BTNL3: variants seen among roughly 807,000 people sequenced by gnomAD.
BTNL3 encodes the protein butyrophilin like 3.
In BTNL3, 20 loss-of-function variants were observed where a neutral mutation model predicts 40.1. The ratio of observed to expected loss-of-function variants is 0.50; its 90% CI spans 0.35 to 0.72. The LOEUF (loss-of-function observed/expected upper bound fraction) is 0.72. BTNL3 is among the 30% of genes least tolerant of loss of function. The probability of loss-of-function intolerance (pLI) is 0.01; values close to 1 mark genes in which losing one functional copy is unlikely to be tolerated. For synonymous variants in BTNL3, 179 were observed against 222.1 expected, an observed-to-expected ratio of 0.81 and a Z score of 1.73; for missense variants, 449 against 582.2, an observed-to-expected ratio of 0.77 and a Z score of 2.35.
Position 181,006,332 on chromosome 5 carries a change from T to C in BTNL3, c.*460T>C, listed in dbSNP as rs1760231195. ...TAATGATGTGTTTTTATATTATACA[T>C]TTTCCCACCATAAACTCTGTTTGCT... On this transcript the variant is annotated 3_prime_UTR_variant, in exon 8 of 8. Transcript: ENST00000342868. 2 of 255,472 alleles carry C rather than the reference T, an allele frequency of 7.8e-6. No individual in the cohort carries two copies. The highest frequency in any genetic ancestry group is 3.4e-4 in the South Asian group (2 of 5,806). The allele number at this position is 255,472 out of a possible 1,614,324, so 15.8% of individuals were successfully genotyped here.
In BTNL3 at chr5:180,997,185, C is replaced by T. The variant is rs761545927; in HGVS notation, c.398-28C>T. 1.1e-5 allele frequency: 16 copies of T among 1,462,868 alleles called. 1 individual carries two copies. In the African/African-American group the frequency reaches 2.2e-4, roughly 20 times the overall value. 90.6% of individuals were successfully genotyped at this position (1,462,868 alleles called of 1,614,324 possible). A position where few individuals can be genotyped will look rare whatever the true frequency, so the allele number is the denominator to read the frequency against. Reference sequence around the variant, plus strand: ...CTGTAAGCTTGAAATTTGGTCTTTGCTTTCATCTTTCCCTGTTTTCTTCCC... The same window carrying T: ...CTGTAAGCTTGAAATTTGGTCTTTGTTTTCATCTTTCCCTGTTTTCTTCCC... On this transcript the variant is annotated intron_variant, in intron 2 of 7. Coordinates refer to ENST00000342868, the MANE Select transcript of BTNL3 (RefSeq NM_197975.3).
rs1483365904 is a variant in BTNL3, at chr5:181,002,520, T to C, written c.674-152T>C. Among the ~76,000 whole-genome samples, 6 of 103,642 alleles carry C rather than the reference T, an allele frequency of 5.8e-5. 1 individual carries two copies. The highest frequency in any genetic ancestry group is 1.9e-4 in the African/African-American group (6 of 30,876). The allele number at this position is 103,642 out of a possible 152,430, so 68.0% of individuals were successfully genotyped here. ...TATATATATATGAAATCCGGATGGA[T>C]CAAGATGTTTATAGAAATGCAAAGC... is the stretch of plus-strand genomic sequence containing the variant. On this transcript the variant is annotated intron_variant, in intron 3 of 7. Coordinates refer to ENST00000342868, the MANE Select transcript of BTNL3 (RefSeq NM_197975.3).
chr5:180,997,441 A>C lies in BTNL3; in HGVS notation c.626A>C (p.His209Pro). 6.8e-7 allele frequency: 1 copy of C among 1,463,244 alleles called. No homozygotes were observed. The highest frequency in any genetic ancestry group is 9.4e-7 in the Non-Finnish European group (1 of 1,058,880). The allele number at this position is 1,463,244 out of a possible 1,614,324, so 90.6% of individuals were successfully genotyped here. The change falls in exon 3 of 8, where the codon CAC becomes CCC. Residue 209 changes from histidine (H) to proline (P), a missense_variant. Physicochemically the swap from His to Pro is moderately conservative, Grantham distance 77. Around this residue, in one of 2 missense-constraint regions of BTNL3, gnomAD observed 323 missense variants for 464.9 expected, o/e 0.69. Transcript: ENST00000342868. ...ENAGSILCSI[H>P]LAEQSHEVES... ...GCTGGGAGCATATTGTGTTCCATCC[A>C]CCTTGCTGAGCAGAGTCATGAGGTG...
At chr5:181,000,438 A>G (rs1760090934) in intron 3 of BTNL3, among the ~76,000 whole-genome samples, 1 of 137,244 alleles carries the variant, frequency 7.3e-6, no homozygotes, top group South Asian at 2.1e-4. Flanking sequence ...ACTTGCAGCA[A>G]ACATCATACA....
intron 1 of BTNL3, among the ~76,000 whole-genome samples, chr5:180,990,958 G>T (rs1388483239): frequency 1.5e-5 from 2 of 137,054 alleles, no homozygotes; most frequent in African/African-American, 5.0e-5. Flanking sequence ...GGTGAGATGT[G>T]CCCCTCCGGG....
rs1201367233 is a variant in BTNL3, at chr5:181,000,421, TAA to T, written c.674-2249_674-2248del. Among the ~76,000 whole-genome samples the T allele has an allele frequency of 2.2e-5, 3 of 137,256 alleles. 1 individual carries two copies. The highest frequency in any genetic ancestry group is 7.5e-5 in the African/African-American group (3 of 39,850). The allele number at this position is 137,256 out of a possible 152,430, so 90.0% of individuals were successfully genotyped here. A position where few individuals can be genotyped will look rare whatever the true frequency, so the allele number is the denominator to read the frequency against. Reference sequence around the variant, plus strand: ...CTGCTTAATCTGATAAAAAGATATCTAAAGATACTTGCAGCAAACATCATACA... The same window carrying T: ...CTGCTTAATCTGATAAAAAGATATCTAGATACTTGCAGCAAACATCATACA... On this transcript the variant is annotated intron_variant, in intron 3 of 7. Coordinates refer to ENST00000342868, the MANE Select transcript of BTNL3 (RefSeq NM_197975.3).
chr5:181,003,243 G>A (rs570429816), intron 4 of BTNL3, among the ~76,000 whole-genome samples: 3 of 134,484 alleles, frequency 2.2e-5, no homozygotes, highest in South Asian at 2.2e-4. Context: ...GTGGTGGTGC[G>A]TGACTGTGGT....
At position 180,988,957 on chromosome 5, in the gene BTNL3, G is replaced by A; in HGVS notation, c.-72G>A. 7.2e-7 allele frequency: 1 copy of A among 1,397,156 alleles called. No individual in the cohort carries two copies. The highest frequency in any genetic ancestry group is 1.2e-5 in the South Asian group (1 of 82,572). 86.5% of individuals were successfully genotyped at this position (1,397,156 alleles called of 1,614,324 possible). A position where few individuals can be genotyped will look rare whatever the true frequency, so the allele number is the denominator to read the frequency against. ...CTCCTGCGCCTGAGACAGCTGGCCT[G>A]ACCTCCAAATCATCCATCCACCCCT... On this transcript the variant is annotated 5_prime_UTR_variant, in exon 1 of 8. Transcript: ENST00000342868.
rs1216365521 is a variant in BTNL3 at position 180,997,257 on chromosome 5, G to A, written c.442G>A (p.Gly148Arg). Residue 148 changes from glycine (G) to arginine (R), a missense_variant, in exon 3 of 8, where the codon GGA becomes AGA. Transcript: ENST00000342868. Reference protein sequence around the residue: ...PLISIVGYVDGGIQLLCLSSG... With the variant: ...PLISIVGYVDRGIQLLCLSSG... Reference sequence around the variant, plus strand: ...CATTTCCATCGTGGGATATGTTGACGGAGGTATCCAGTTACTCTGCCTGTC... The same window carrying A: ...CATTTCCATCGTGGGATATGTTGACAGAGGTATCCAGTTACTCTGCCTGTC... 5.5e-6 allele frequency: 8 copies of A among 1,464,508 alleles called. 3 individuals are homozygous for A. Among genetic ancestry groups the A allele is most frequent in the South Asian group, 1.1e-5 (1 of 89,316 alleles). 90.7% of individuals were successfully genotyped at this position (1,464,508 alleles called of 1,614,324 possible). A position where few individuals can be genotyped will look rare whatever the true frequency, so the allele number is the denominator to read the frequency against.
rs1760148940 is a variant in BTNL3 at position 181,002,908 on chromosome 5, G to A, written c.787+123G>A. ...AGCCCTAGGCCTACAGGGGCCACCA[G>A]CTGAGGCACAGGGAACCCAGTCTTC... On this transcript the variant is annotated intron_variant, in intron 4 of 7. Coordinates refer to ENST00000342868, the MANE Select transcript of BTNL3 (RefSeq NM_197975.3). 8.4e-6 allele frequency: 10 copies of A among 1,183,666 alleles called. 1 individual carries two copies. The highest frequency in any genetic ancestry group is 1.2e-5 in the Non-Finnish European group (10 of 844,316). 73.3% of individuals were successfully genotyped at this position (1,183,666 alleles called of 1,614,324 possible).
rs1760227842 is a variant in BTNL3, at chr5:181,006,141, A to C, written c.*269A>C. The C allele has an allele frequency of 9.0e-6, 4 of 445,488 alleles. No individual in the cohort carries two copies. The East Asian group carries it at 1.3e-4, about 14-fold the overall frequency. The allele number at this position is 445,488 out of a possible 1,614,324, so 27.6% of individuals were successfully genotyped here. On this transcript the variant is annotated 3_prime_UTR_variant, in exon 8 of 8. Transcript: ENST00000342868. ...AGTGGGGACGGAATAGACTCACATT[A>C]GGTTTAGTTTGTGAAAACTCCATCC...
chr5:180,992,916 G>T lies in BTNL3; in HGVS notation c.153G>T (p.Met51Ile). Residue 51 changes from methionine to isoleucine, a missense_variant, in exon 2 of 8, where the codon ATG becomes ATT. Met to Ile is a conservative substitution (Grantham distance 10, BLOSUM62 1). This residue lies in a region of BTNL3 where 323 missense variants were observed against 464.9 expected (regional missense o/e 0.69). Coordinates refer to ENST00000342868, the MANE Select transcript of BTNL3 (RefSeq NM_197975.3). ...TTCCTGAGACCAGTGCAGAGGCTATGGAAGTGCGGTTCTTCAGGAATCAGT... is the reference window on the plus strand; with the variant it reads ...TTCCTGAGACCAGTGCAGAGGCTATTGAAGTGCGGTTCTTCAGGAATCAGT... ...SLFPETSAEA[M>I]EVRFFRNQFH... 2 of 1,463,518 alleles carry T rather than the reference G, an allele frequency of 1.4e-6. 1 individual carries two copies. Among genetic ancestry groups the T allele is most frequent in the South Asian group, 2.2e-5 (2 of 89,286 alleles). 90.7% of individuals were successfully genotyped at this position (1,463,518 alleles called of 1,614,324 possible).
chr5:181,001,503 G>T (rs1157425277), intron 3 of BTNL3, among the ~76,000 whole-genome samples: 1 of 129,702 alleles, frequency 7.7e-6, no homozygotes, highest in Admixed American at 8.3e-5. Context: ...TTATAGATGG[G>T]GGGGGGTCTC....
At position 180,998,206 on chromosome 5, in the gene BTNL3, C is replaced by T. The variant is rs1255377620; in HGVS notation, c.673+718C>T. The stretch of plus-strand genomic sequence containing the variant: ...AAAAATACTCGAGAAATATTAATCA[C>T]GAAGAATTGAACAGATATATTAGTG... On this transcript the variant is annotated intron_variant, in intron 3 of 7. Coordinates refer to ENST00000342868, the MANE Select transcript of BTNL3 (RefSeq NM_197975.3). 3.7e-5 allele frequency among the ~76,000 whole-genome samples: 5 copies of T among 136,112 alleles called. 1 individual carries two copies. The highest frequency in any genetic ancestry group is 1.6e-4 in the Admixed American group (2 of 12,814). The allele number at this position is 136,112 out of a possible 152,430, so 89.3% of individuals were successfully genotyped here.
At position 180,991,932 on chromosome 5, in the gene BTNL3, T is replaced by C. The variant is rs575273029; in HGVS notation, c.50-881T>C. Among the ~76,000 whole-genome samples the C allele has an allele frequency of 7.3e-5, 10 of 136,820 alleles. 2 individuals are homozygous for C. The highest frequency in any genetic ancestry group is 1.2e-4 in the Non-Finnish European group (7 of 59,726). The allele number at this position is 136,820 out of a possible 152,430, so 89.8% of individuals were successfully genotyped here. On this transcript the variant is annotated intron_variant, in intron 1 of 7. Transcript: ENST00000342868. ...ACGATAACTAATGAATGAAAAAAAA[T>C]CACAAAAAATCTTATAATGTTTTAA...
rs1020754444 is a variant in BTNL3 at position 180,993,417 on chromosome 5, A to G, written c.397+257A>G. Among the ~76,000 whole-genome samples the G allele has an allele frequency of 3.7e-5, 5 of 136,236 alleles. 2 individuals carry two copies. The highest frequency in any genetic ancestry group is 8.4e-5 in the Non-Finnish European group (5 of 59,584). 89.4% of individuals were successfully genotyped at this position (136,236 alleles called of 152,430 possible). A position where few individuals can be genotyped will look rare whatever the true frequency, so the allele number is the denominator to read the frequency against. ...AGGATACAGAGGAAAGCCACTCCCA[A>G]TGTTGGTGAAATGAGAGTGATAATG... On this transcript the variant is annotated intron_variant, in intron 2 of 7. Coordinates refer to ENST00000342868, the MANE Select transcript of BTNL3 (RefSeq NM_197975.3).
At position 181,006,063 on chromosome 5, in the gene BTNL3, A is replaced by T; in HGVS notation, c.*191A>T. ...CAGCAGCGGCAGTCACAGCTTCCAG[A>T]TGAGGGGGGATTGGCCTGACCCTGT... On this transcript the variant is annotated 3_prime_UTR_variant, in exon 8 of 8. Transcript: ENST00000342868. 1.6e-6 allele frequency: 1 copy of T among 621,786 alleles called. No individual in the cohort carries two copies. The highest frequency in any genetic ancestry group is 4.4e-4 in the Middle Eastern group (1 of 2,286). 38.5% of individuals were successfully genotyped at this position (621,786 alleles called of 1,614,324 possible).
intron 1 of BTNL3, among the ~76,000 whole-genome samples, chr5:180,989,435 T>A (rs1418778189): frequency 1.5e-5 from 2 of 136,770 alleles, no homozygotes; most frequent in African/African-American, 5.0e-5. Flanking sequence ...TCTAATAAAA[T>A]CCCCAGGTTT....
intron 2 of BTNL3, among the ~76,000 whole-genome samples, chr5:180,994,354 G>T (rs1320967048): frequency 7.3e-6 from 1 of 137,244 alleles, no homozygotes; most frequent in African/African-American, 2.5e-5. Context: ...GGTTTTGCCA[G>T]ATATAGAATT....
Sources: gnomAD v4.1 joint callset for allele counts (sites outside exome capture counted in the v4.1 genomes callset) on GRCh38, gnomAD v4.1.1 for gene constraint, gnomAD v4.1.1 regional missense constraint, MANE v1.5 for transcripts, NCBI Gene and HGNC (gene_info 2026-07-23, HGNC 2026-07-21) for gene names.